Variants in FXN observed in about 807,000 individuals in gnomAD.
FXN encodes frataxin.
A neutral mutation model predicts 22.4 loss-of-function variants in FXN; 14 were observed. That is an observed-to-expected ratio of 0.62 (90% CI 0.41 to 0.98). The LOEUF (loss-of-function observed/expected upper bound fraction) is 0.98. Ranked by LOEUF, FXN falls within the 50% of genes least tolerant of loss-of-function variation. The pLI is 0.00. For missense variants in FXN, 267 were observed against 268.4 expected (o/e 0.99, Z 0.04); for synonymous variants, 120 against 114.1 (o/e 1.05, Z -0.33).
intron 2 of FXN, among the ~76,000 whole-genome samples, chr9:69,046,700 C>G (rs1831762707): frequency 6.6e-6 from 1 of 152,154 alleles, no homozygotes; most frequent in South Asian, 2.1e-4. Flanking sequence ...CAGGTTGTTT[C>G]CAGAGTTTCA....
intron 2 of FXN, among the ~76,000 whole-genome samples, chr9:69,050,259 G>C (rs11144938): frequency 0.07 from 10,599 of 152,254 alleles, 484 homozygotes; most frequent in African/African-American, 0.13. Flanking sequence ...TCCATTGCAT[G>C]ACTATACCAC....
At chr9:69,046,291 C>T in intron 1 of FXN, 94 bp from the exon 2 acceptor site, 1 of 883,606 alleles carries the variant, frequency 1.1e-6, no homozygotes, top group Non-Finnish European at 1.9e-6. Context: ...CGGTTACAGG[C>T]ACTCGAATGT....
intron 1 of FXN, among the ~76,000 whole-genome samples, chr9:69,037,308 A>AAAG (rs1382998283): frequency 1.1e-5 from 1 of 88,410 alleles, no homozygotes; most frequent in Non-Finnish European, 2.6e-5. Flanking sequence ...AGAAGAAAAT[A>AAAG]AAGAAAAGTT....
intron 3 of FXN, among the ~76,000 whole-genome samples, chr9:69,061,502 T>G (rs1489075706): frequency 1.3e-5 from 2 of 152,058 alleles, no homozygotes; most frequent in African/African-American, 4.8e-5. Flanking sequence ...AATGATTGTG[T>G]GTTGATTCTT....
Position 69,046,440 on chromosome 9 carries a change from A to C in FXN, c.221A>C (p.Tyr74Ser). 1.9e-6 allele frequency: 3 copies of C among 1,614,132 alleles called. No individual in the cohort carries two copies. Among genetic ancestry groups the C allele is most frequent in the Non-Finnish European group, 2.5e-6 (3 of 1,180,006 alleles). Residue 74 changes from tyrosine to serine, a missense_variant, in exon 2 of 5, where the codon TAT becomes TCT. Physicochemically the swap from Tyr to Ser is moderately radical, Grantham distance 144. Transcript: ENST00000484259. ...QIWNVKKQSV[Y>S]LMNLRKSGTL... ...TGGAATGTCAAAAAGCAGAGTGTCT[A>C]TTTGATGAATTTGAGGAAATCTGGA...
chr9:69,072,649 G>T lies in FXN; in HGVS notation c.520G>T (p.Val174Leu), dbSNP rs1832295554. The T allele has an allele frequency of 1.9e-6, 3 of 1,614,010 alleles. No homozygotes were observed. Among genetic ancestry groups the T allele is most frequent in the Non-Finnish European group, 2.5e-6 (3 of 1,180,040 alleles). ...TTATGACTGGACTGGGAAAAACTGG[G>T]TGTACTCCCACGACGGCGTGTCCCT... ...KRYDWTGKNW[V>L]YSHDGVSLHE... is the part of the protein sequence containing the mutation. Residue 174 changes from valine to leucine, a missense_variant, in exon 5 of 5, where the codon GTG becomes TTG. Coordinates refer to ENST00000484259, the MANE Select transcript of FXN (RefSeq NM_000144.5).
intron 2 of FXN, 148 bp from the exon 3 acceptor site, chr9:69,052,990 CAA>C (rs370853196): frequency 0.026 from 14,460 of 559,028 alleles, no homozygotes; most frequent in East Asian, 0.03. Flanking sequence ...GACTCTGTCT[CAA>C]AAAAAAAAAA....
Position 69,075,605 on chromosome 9 carries a change from C to A in FXN, c.*2843C>A. ...CCACCACAGACCCTGGGAGCATCGC[C>A]TCATTTATGGTGTGGTCCAGTCATC... On this transcript the variant is annotated 3_prime_UTR_variant, in exon 5 of 5. Transcript: ENST00000484259. 1 of 985,324 alleles carries A rather than the reference C, an allele frequency of 1.0e-6. No homozygotes were observed. Among genetic ancestry groups the A allele is most frequent in the Non-Finnish European group, 1.2e-6 (1 of 829,878 alleles). The allele number at this position is 985,324 out of a possible 1,614,324, so 61.0% of individuals were successfully genotyped here. A position where few individuals can be genotyped will look rare whatever the true frequency, so the allele number is the denominator to read the frequency against.
intron 3 of FXN, among the ~76,000 whole-genome samples, chr9:69,060,370 CAA>C (rs773672471): frequency 1.9e-4 from 23 of 120,874 alleles, no homozygotes; most frequent in Non-Finnish European, 1.9e-4. Flanking sequence ...GACTCCATCT[CAA>C]AAAAAAAAAA....
intron 3 of FXN, among the ~76,000 whole-genome samples, chr9:69,061,224 CCT>C (rs1308483093): frequency 1.6e-4 from 25 of 152,310 alleles, no homozygotes; most frequent in Admixed American, 7.8e-4. Flanking sequence ...ATGTGCACCC[CCT>C]GATTTGCTGT....
Position 69,073,023 on chromosome 9 carries a change from A to G in FXN, c.*261A>G. On this transcript the variant is annotated 3_prime_UTR_variant, in exon 5 of 5. Coordinates refer to ENST00000484259, the MANE Select transcript of FXN (RefSeq NM_000144.5). ...TCACATGATACCCCTTATCTTTTATAATGTCTTATGCCTATACCTGAATAT... is the reference window on the plus strand; with the variant it reads ...TCACATGATACCCCTTATCTTTTATGATGTCTTATGCCTATACCTGAATAT... 1.4e-6 allele frequency: 2 copies of G among 1,391,286 alleles called. No individual in the cohort carries two copies. 86.2% of individuals were successfully genotyped at this position (1,391,286 alleles called of 1,614,324 possible).
At chr9:69,041,602 G>C (rs571215919) in intron 1 of FXN, among the ~76,000 whole-genome samples, 1 of 152,184 alleles carries the variant, frequency 6.6e-6, no homozygotes, top group Non-Finnish European at 1.5e-5. Context: ...CCTCCCCTGC[G>C]AGGTATGGGT....
chr9:69,035,773 C>G lies in FXN; in HGVS notation c.-10C>G. The G allele has an allele frequency of 6.7e-7, 1 of 1,501,704 alleles. No individual in the cohort carries two copies. Among genetic ancestry groups the G allele is most frequent in the Non-Finnish European group, 8.8e-7 (1 of 1,131,146 alleles). 93.0% of individuals were successfully genotyped at this position (1,501,704 alleles called of 1,614,324 possible). On this transcript the variant is annotated 5_prime_UTR_variant, in exon 1 of 5. Transcript: ENST00000484259. ...CTGGAGGGCGGAGCGGGCGGCAGAC[C>G]CGGAGCAGCATGTGGACTCTCGGGC...
chr9:69,037,941 C>T (rs1441978945), intron 1 of FXN, among the ~76,000 whole-genome samples: 5 of 152,190 alleles, frequency 3.3e-5, no homozygotes, highest in South Asian at 2.1e-4. Flanking sequence ...CGTGAGCCAC[C>T]GCGTCTGGCC....
intron 1 of FXN, among the ~76,000 whole-genome samples, chr9:69,042,682 A>C (rs532022063): frequency 6.6e-6 from 1 of 151,408 alleles, no homozygotes; most frequent in Non-Finnish European, 1.5e-5. Flanking sequence ...TCAAATCTCT[A>C]TTAAATTAAA....
At chr9:69,067,087 G>A (rs1224101214) in intron 4 of FXN, among the ~76,000 whole-genome samples, 2 of 152,256 alleles carry the variant, frequency 1.3e-5, no homozygotes, top group African/African-American at 2.4e-5. Context: ...CAAGCTCTCA[G>A]TGCTTCTGTG....
chr9:69,072,353 AG>A (rs1275992398), intron 4 of FXN, among the ~76,000 whole-genome samples: 2 of 152,220 alleles, frequency 1.3e-5, no homozygotes, highest in Non-Finnish European at 1.5e-5. Context: ...TGGAGATCAA[AG>A]TGTGATACCT....
At position 69,076,231 on chromosome 9, in the gene FXN, T is replaced by TTA. The variant is rs59923017; in HGVS notation, c.*3469_*3470insTA. ...AGTGGCCTCATGTTTTTTTTTTTTT[T>TTA]AATCTATAAAATGGAGATATCTAAC... On this transcript the variant is annotated 3_prime_UTR_variant, in exon 5 of 5. Coordinates refer to ENST00000484259, the MANE Select transcript of FXN (RefSeq NM_000144.5). The TTA allele has an allele frequency of 0.027, 24,807 of 932,176 alleles. 43 individuals carry two copies. The highest frequency in any genetic ancestry group is 0.041 in the South Asian group (830 of 20,204). 57.7% of individuals were successfully genotyped at this position (932,176 alleles called of 1,614,324 possible).
intron 3 of FXN, among the ~76,000 whole-genome samples, chr9:69,056,422 C>T (rs998968896): frequency 1.3e-5 from 2 of 152,218 alleles, no homozygotes; most frequent in Admixed American, 1.3e-4. Context: ...CTAACGTGTG[C>T]AGCATGTCTC....
Sources: allele counts gnomAD v4.1 joint callset (sites outside exome capture counted in the v4.1 genomes callset), GRCh38; gene constraint gnomAD v4.1.1; transcripts MANE v1.5; gene names NCBI Gene and HGNC (gene_info 2026-07-23, HGNC 2026-07-21).